SEL1L2: variants seen among roughly 807,000 people sequenced by gnomAD.
SEL1L2 encodes the protein SEL1L2 adaptor subunit of SYVN1 ubiquitin ligase.
A neutral mutation model predicts 98.8 loss-of-function variants in SEL1L2; 89 were observed. The observed-to-expected ratio is 0.90, with a 90% CI of 0.76 to 1.07. The LOEUF (loss-of-function observed/expected upper bound fraction) is 1.07, where lower values mean the gene tolerates loss of function less well. SEL1L2 is among the 50% of genes least tolerant of loss of function. The probability of loss-of-function intolerance (pLI) is 0.00; values close to 1 mark genes in which losing one functional copy is unlikely to be tolerated. For missense variants in SEL1L2, 788 were observed against 812.0 expected (o/e 0.97, Z 0.36); for synonymous variants, 262 against 278.5 (o/e 0.94, Z 0.59).
intron 5 of SEL1L2, among the ~76,000 whole-genome samples, chr20:13,890,928 A>T (rs400417): frequency 0.76 from 114,889 of 151,978 alleles, 43,713 homozygotes; most frequent in East Asian, 0.91. Context: ...ATCAGCAAAC[A>T]TGAACATAGG....
intron 14 of SEL1L2, among the ~76,000 whole-genome samples, chr20:13,867,346 A>G (rs577754543): frequency 1.2e-4 from 19 of 152,350 alleles, no homozygotes; most frequent in Non-Finnish European, 2.6e-4. Flanking sequence ...ACTTGAAGCT[A>G]GAGCAGAGAA....
At chr20:13,869,067 C>T (rs1177996150) in intron 14 of SEL1L2, among the ~76,000 whole-genome samples, 1 of 151,986 alleles carries the variant, frequency 6.6e-6, no homozygotes, top group Non-Finnish European at 1.5e-5. Context: ...CTTCCCCTGC[C>T]TACCCTTCAA....
intron 2 of SEL1L2, among the ~76,000 whole-genome samples, chr20:13,933,977 T>TA (rs2049279378): frequency 6.6e-6 from 1 of 151,042 alleles, no homozygotes; most frequent in African/African-American, 2.4e-5. Context: ...TTTTTTTTTT[T>TA]AATTTCCACA....
At chr20:13,909,321 C>A (rs1275137659) in intron 5 of SEL1L2, among the ~76,000 whole-genome samples, 1 of 152,206 alleles carries the variant, frequency 6.6e-6, no homozygotes, top group African/African-American at 2.4e-5. Flanking sequence ...GTCCTAGCAA[C>A]CAGCCATCAA....
intron 4 of SEL1L2, among the ~76,000 whole-genome samples, chr20:13,914,624 G>C (rs1159512067): frequency 6.6e-6 from 1 of 152,142 alleles, no homozygotes; most frequent in Non-Finnish European, 1.5e-5. Flanking sequence ...CTATGAAATG[G>C]GGATAGCATT....
intron 14 of SEL1L2, among the ~76,000 whole-genome samples, chr20:13,867,723 G>A (rs139015997): frequency 1.3e-5 from 2 of 152,236 alleles, no homozygotes; most frequent in East Asian, 3.9e-4. Flanking sequence ...TACGAAATGA[G>A]TTAAAACATA....
chr20:13,960,126 A>C (rs1294719070), intron 1 of SEL1L2, among the ~76,000 whole-genome samples: 1 of 152,240 alleles, frequency 6.6e-6, no homozygotes, highest in African/African-American at 2.4e-5. Context: ...GTAAACTAGA[A>C]AAAGCAATGT....
intron 1 of SEL1L2, among the ~76,000 whole-genome samples, chr20:13,963,294 C>T (rs183588911): frequency 4.4e-4 from 66 of 150,060 alleles, no homozygotes; most frequent in African/African-American, 1.6e-3. Flanking sequence ...TTCATCAACC[C>T]TTGCTAGCCA....
At chr20:13,929,191 C>T (rs937310841) in intron 3 of SEL1L2, among the ~76,000 whole-genome samples, 9 of 152,096 alleles carry the variant, frequency 5.9e-5, no homozygotes, top group African/African-American at 1.4e-4. Context: ...GGACTTGCCC[C>T]GCCAGCCCCA....
intron 4 of SEL1L2, among the ~76,000 whole-genome samples, chr20:13,914,729 A>T (rs2048331651): frequency 6.6e-6 from 1 of 152,242 alleles, no homozygotes. Flanking sequence ...AGCACTCAGT[A>T]AATTTAGCTG....
intron 5 of SEL1L2, among the ~76,000 whole-genome samples, chr20:13,890,533 T>C (rs1188299272): frequency 6.6e-6 from 1 of 152,180 alleles, no homozygotes; most frequent in East Asian, 1.9e-4. Context: ...CATACGAAGC[T>C]AGTCTATAAA....
At chr20:13,916,363 T>C (rs8184015) in intron 4 of SEL1L2, among the ~76,000 whole-genome samples, 75,233 of 151,966 alleles carry the variant, frequency 0.5, 19,104 homozygotes, top group African/African-American at 0.61. Flanking sequence ...ACCTGCCCTA[T>C]GCTTAGGCAT....
chr20:13,916,271 A>G (rs558456914), intron 4 of SEL1L2, among the ~76,000 whole-genome samples: 19 of 152,328 alleles, frequency 1.2e-4, no homozygotes, highest in Admixed American at 7.2e-4. Context: ...GTAGCAAAGC[A>G]AAGAGAGGGT....
At chr20:13,964,214 G>C (rs1052677048) in intron 1 of SEL1L2, among the ~76,000 whole-genome samples, 1 of 151,964 alleles carries the variant, frequency 6.6e-6, no homozygotes, top group Non-Finnish European at 1.5e-5. Flanking sequence ...CAAGCTAACA[G>C]TCAAAGAAAA....
chr20:13,919,954 T>C (rs1485067064), intron 3 of SEL1L2, among the ~76,000 whole-genome samples: 1 of 135,060 alleles, frequency 7.4e-6, no homozygotes, highest in Non-Finnish European at 1.6e-5. Flanking sequence ...ATTGGCCAGG[T>C]GAGGTGGCTC....
chr20:13,855,956 G>T (rs1428021656), intron 18 of SEL1L2, among the ~76,000 whole-genome samples: 2 of 152,140 alleles, frequency 1.3e-5, no homozygotes, highest in African/African-American at 4.8e-5. Context: ...AGATTTAAAG[G>T]GAGAACACTA....
Position 13,956,145 on chromosome 20 carries a change from A to T in SEL1L2, c.59-14T>A. The T allele has an allele frequency of 7.1e-7, 1 of 1,406,222 alleles. No homozygotes were observed. Among genetic ancestry groups the T allele is most frequent in the South Asian group, 1.3e-5 (1 of 74,534 alleles). 87.1% of individuals were successfully genotyped at this position (1,406,222 alleles called of 1,614,324 possible). A position where few individuals can be genotyped will look rare whatever the true frequency, so the allele number is the denominator to read the frequency against. The stretch of plus-strand genomic sequence containing the variant: ...CTGCTTTGATAGCTGCAATACACAA[A>T]ATTTTTTTATAAAATTTAAAAGCAT... On this transcript the variant is annotated splice_polypyrimidine_tract_variant and intron_variant, in intron 1 of 19. Transcript: ENST00000284951.
intron 5 of SEL1L2, among the ~76,000 whole-genome samples, chr20:13,898,157 A>G (rs1022516457): frequency 5.9e-5 from 9 of 152,166 alleles, no homozygotes; most frequent in African/African-American, 2.2e-4. Context: ...AACATAAAGC[A>G]GACTCTCAAA....
intron 1 of SEL1L2, among the ~76,000 whole-genome samples, chr20:13,982,508 C>CAAAAA (rs10713892): frequency 3.0e-5 from 2 of 67,668 alleles, no homozygotes; most frequent in East Asian, 3.9e-4. Context: ...GAGACTCTGC[C>CAAAAA]AAAAAAAAAA....
Sources: gnomAD v4.1 joint callset for allele counts (sites outside exome capture counted in the v4.1 genomes callset) on GRCh38, gnomAD v4.1.1 for gene constraint, MANE v1.5 for transcripts, NCBI Gene and HGNC (gene_info 2026-07-23, HGNC 2026-07-21) for gene names.